NRXN1: variants seen among roughly 807,000 people sequenced by gnomAD.
NRXN1 encodes the protein neurexin 1.
Under a neutral mutation model 150.9 loss-of-function variants are expected in NRXN1, and 39 were observed. The ratio of observed to expected loss-of-function variants is 0.26; its 90% confidence interval spans 0.20 to 0.34. NRXN1 has a LOEUF of 0.34. Ranked by LOEUF, NRXN1 falls within the 10% of genes least tolerant of loss-of-function variation. The pLI, the probability that NRXN1 is intolerant of heterozygous loss-of-function variation, is 1.00. For missense variants in NRXN1, 1,815 were observed against 1,949.9 expected (o/e 0.93, Z 1.30); for synonymous variants, 924 against 757.0 (o/e 1.22, Z -3.62).
At chr2:50,868,833 T>G (rs561995230) in intron 5 of NRXN1, among the ~76,000 whole-genome samples, 1 of 151,990 alleles carries the variant, frequency 6.6e-6, no homozygotes, top group South Asian at 2.1e-4. Flanking sequence ...TGTATACACT[T>G]AAATTCAAAG....
At chr2:50,467,965 A>G (rs2089079148) in intron 16 of NRXN1, among the ~76,000 whole-genome samples, 2 of 151,612 alleles carry the variant, frequency 1.3e-5, no homozygotes, top group Admixed American at 6.6e-5. Context: ...TCCTTATCCC[A>G]TGGCATTAGA....
chr2:50,023,382 T>C (rs894907991), intron 21 of NRXN1: 5 of 152,186 alleles, frequency 3.3e-5, no homozygotes, highest in African/African-American at 1.2e-4. Context: ...GTTCCCCTGG[T>C]ACTGTCCAAC....
intron 21 of NRXN1, among the ~76,000 whole-genome samples, chr2:49,972,453 T>A (rs1318377999): frequency 6.6e-6 from 1 of 152,176 alleles, no homozygotes; most frequent in Non-Finnish European, 1.5e-5. Context: ...GCTCTAAACA[T>A]TTTCAGAATT....
intron 17 of NRXN1, among the ~76,000 whole-genome samples, chr2:50,295,125 C>A (rs1013440904): frequency 2.0e-5 from 3 of 152,156 alleles, no homozygotes; most frequent in Admixed American, 2.0e-4. Context: ...CCTGTTTCTG[C>A]TTTCTATGCC....
intron 12 of NRXN1, among the ~76,000 whole-genome samples, chr2:50,520,144 T>G (rs2092745892): frequency 6.6e-6 from 1 of 151,954 alleles, no homozygotes; most frequent in South Asian, 2.1e-4. Context: ...ATAAAACTTT[T>G]CTGTGAAAAT....
At chr2:50,278,393 C>CGG (rs1437230368) in intron 17 of NRXN1, among the ~76,000 whole-genome samples, 1 of 146,002 alleles carries the variant, frequency 6.8e-6, no homozygotes, top group Admixed American at 7.0e-5. Context: ...CTCAAGTGCT[C>CGG]CGCCCCCCTT....
intron 8 of NRXN1, among the ~76,000 whole-genome samples, chr2:50,563,031 A>C (rs911026366): frequency 1.3e-5 from 2 of 152,166 alleles, no homozygotes; most frequent in African/African-American, 4.8e-5. Context: ...AATTACCAAA[A>C]GATATAATCA....
chr2:50,705,362 G>T (rs1310287011), intron 5 of NRXN1, among the ~76,000 whole-genome samples: 1 of 152,074 alleles, frequency 6.6e-6, no homozygotes, highest in Non-Finnish European at 1.5e-5. Context: ...CAGACTGATG[G>T]TATCAATAAT....
intron 21 of NRXN1, chr2:49,966,643 G>A (rs1233267138): frequency 1.3e-5 from 2 of 151,920 alleles, no homozygotes; most frequent in Admixed American, 1.3e-4. Flanking sequence ...GTCTTCACCA[G>A]TAGATACAGA....
At chr2:50,033,826 A>G (rs1451789927) in intron 21 of NRXN1, among the ~76,000 whole-genome samples, 1 of 152,148 alleles carries the variant, frequency 6.6e-6, no homozygotes, top group Non-Finnish European at 1.5e-5. Flanking sequence ...GGACATGAAC[A>G]GACAATTTTC....
intron 19 of NRXN1, among the ~76,000 whole-genome samples, chr2:50,059,184 T>C (rs1694102255): frequency 6.6e-6 from 1 of 152,046 alleles, no homozygotes; most frequent in Non-Finnish European, 1.5e-5. Context: ...TGGTCTCAGA[T>C]GGAGATGAGG....
chr2:50,049,487 C>A (rs967992398), intron 21 of NRXN1, among the ~76,000 whole-genome samples: 1 of 152,122 alleles, frequency 6.6e-6, no homozygotes, highest in East Asian at 1.9e-4. Context: ...GAAACCAGGT[C>A]TCCTCATTCA....
chr2:51,027,102 C>T (rs548964845), intron 2 of NRXN1, among the ~76,000 whole-genome samples: 1 of 152,268 alleles, frequency 6.6e-6, no homozygotes, highest in Non-Finnish European at 1.5e-5. Context: ...TTGTTTGCAT[C>T]TTAAGGGCAA....
intron 8 of NRXN1, among the ~76,000 whole-genome samples, chr2:50,576,144 A>G (rs535954733): frequency 8.9e-4 from 136 of 152,314 alleles, no homozygotes; most frequent in Non-Finnish European, 1.3e-3. Flanking sequence ...TATTTTCAGA[A>G]AAGTCTTTAT....
chr2:50,631,062 T>G lies in NRXN1; in HGVS notation c.833-7447A>C, dbSNP rs1682226927. ...GCCACGAACTGTGTAACTGAGAAAT[T>G]AAAACAATAAATTGATTATTACAAG... On this transcript the variant is annotated intron_variant, in intron 5 of 22. Transcript: ENST00000401669. 4.5e-6 allele frequency: 2 copies of G among 445,422 alleles called. 1 individual carries two copies. Among genetic ancestry groups the G allele is most frequent in the South Asian group, 3.5e-5 (2 of 56,494 alleles). 27.6% of individuals were successfully genotyped at this position (445,422 alleles called of 1,614,324 possible).
At chr2:50,303,639 T>C (rs1342248751) in intron 17 of NRXN1, among the ~76,000 whole-genome samples, 1 of 152,138 alleles carries the variant, frequency 6.6e-6, no homozygotes, top group African/African-American at 2.4e-5. Flanking sequence ...TGCATGTAAA[T>C]AATGAAATAT....
chr2:50,996,835 T>C (rs897400331), intron 2 of NRXN1, among the ~76,000 whole-genome samples: 1 of 151,970 alleles, frequency 6.6e-6, no homozygotes, highest in Non-Finnish European at 1.5e-5. Flanking sequence ...CTTTCACCAA[T>C]TCCCTTTACA....
intron 5 of NRXN1, chr2:50,656,494 G>C (rs1260492836): frequency 1.5e-6 from 1 of 679,662 alleles, no homozygotes; most frequent in East Asian, 2.6e-5. Context: ...CACACCAACT[G>C]AGGTCTGGGG....
intron 12 of NRXN1, among the ~76,000 whole-genome samples, chr2:50,518,927 T>G (rs896067435): frequency 1.3e-5 from 2 of 151,770 alleles, no homozygotes; most frequent in African/African-American, 4.8e-5. Flanking sequence ...AAACCCTAAG[T>G]TTCTGCCTTT....
Sources: gnomAD v4.1 joint callset for allele counts (sites outside exome capture counted in the v4.1 genomes callset) on GRCh38, gnomAD v4.1.1 for gene constraint, MANE v1.5 for transcripts, NCBI Gene and HGNC (gene_info 2026-07-23, HGNC 2026-07-21) for gene names.